DLGAP3: variants seen among roughly 807,000 people sequenced by gnomAD.
DLGAP3 encodes disks large-associated protein 3.
In DLGAP3, 17 loss-of-function variants were observed where a neutral mutation model predicts 81.2. The ratio of observed to expected loss-of-function variants is 0.21; its 90% CI spans 0.14 to 0.31. The LOEUF (loss-of-function observed/expected upper bound fraction) is 0.31. DLGAP3 is among the 10% of genes least tolerant of loss of function. DLGAP3 has a pLI of 1.00. For missense variants in DLGAP3, 1,124 were observed against 1,388.0 expected (o/e 0.81, Z 3.02); for synonymous variants, 577 against 587.4 (o/e 0.98, Z 0.26).
At chr1:34,894,705 T>C (rs1045493469) in intron 5 of DLGAP3, among the ~76,000 whole-genome samples, 2 of 152,250 alleles carry the variant, frequency 1.3e-5, no homozygotes, top group South Asian at 2.1e-4. Context: ...CTAACAGATA[T>C]TCACTGAAAA....
At chr1:34,910,628 C>A (rs1314707868) in intron 1 of DLGAP3, among the ~76,000 whole-genome samples, 1 of 152,162 alleles carries the variant, frequency 6.6e-6, no homozygotes, top group African/African-American at 2.4e-5. Context: ...GTTGGGAAAG[C>A]TTTTCCTACC....
chr1:34,891,027 A>G lies in DLGAP3; in HGVS notation c.1387-4742T>C, dbSNP rs562493311. Among the ~76,000 whole-genome samples, 237 of 152,370 alleles carry G rather than the reference A, an allele frequency of 1.6e-3. 1 individual carries two copies. Among genetic ancestry groups the G allele is most frequent in the Non-Finnish European group, 2.2e-3 (153 of 68,038 alleles). Reference sequence around the variant, plus strand: ...ATAAAATAACTTTTAAATGATGTTTAAAAGTTCCAAGCTTAAAAGATAAAA... The same window carrying G: ...ATAAAATAACTTTTAAATGATGTTTGAAAGTTCCAAGCTTAAAAGATAAAA... On this transcript the variant is annotated intron_variant, in intron 5 of 11. Coordinates refer to ENST00000373347, the MANE Select transcript of DLGAP3 (RefSeq NM_001080418.3).
chr1:34,900,390 G>A lies in DLGAP3; in HGVS notation c.1108-117C>T. 9.3e-7 allele frequency: 1 copy of A among 1,074,362 alleles called. No homozygotes were observed. The highest frequency in any genetic ancestry group is 1.3e-5 in the South Asian group (1 of 78,344). 66.6% of individuals were successfully genotyped at this position (1,074,362 alleles called of 1,614,324 possible). Reference sequence around the variant, plus strand: ...CCCTGGCTTGAACAGGCACACTCAGGTACATGCAGAGGCAGAAGGGGAGGT... The same window carrying A: ...CCCTGGCTTGAACAGGCACACTCAGATACATGCAGAGGCAGAAGGGGAGGT... On this transcript the variant is annotated intron_variant, in intron 3 of 11. Transcript: ENST00000373347. This position sits in a 1 kb window ranked among gnomAD's most constrained non-coding sequence, Gnocchi z 5.6.
At position 34,900,353 on chromosome 1, in the gene DLGAP3, G is replaced by GGGAAA; in HGVS notation, c.1108-81_1108-80insTTTCC. On this transcript the variant is annotated intron_variant, in intron 3 of 11. Transcript: ENST00000373347. This position sits in a 1 kb window ranked among gnomAD's most constrained non-coding sequence, Gnocchi z 5.6. Reference sequence around the variant, plus strand: ...CAGGACTCTTTCCCCACTGCCAGTGGGAGATGCCCTGCCCTGGCTTGAACA... The same window carrying GGGAAA: ...CAGGACTCTTTCCCCACTGCCAGTGGGGAAAGAGATGCCCTGCCCTGGCTTGAACA... 6.9e-7 allele frequency: 1 copy of GGGAAA among 1,451,658 alleles called. No individual in the cohort carries two copies. Among genetic ancestry groups the GGGAAA allele is most frequent in the Non-Finnish European group, 9.6e-7 (1 of 1,040,746 alleles). The allele number at this position is 1,451,658 out of a possible 1,614,324, so 89.9% of individuals were successfully genotyped here.
intron 11 of DLGAP3, among the ~76,000 whole-genome samples, chr1:34,866,615 G>A (rs1638884537): frequency 6.6e-6 from 1 of 152,302 alleles, no homozygotes; most frequent in Non-Finnish European, 1.5e-5. Context: ...CCCAGGCTCC[G>A]CAATGAGGGT....
At chr1:34,906,898 C>G (rs559880528) in intron 2 of DLGAP3, among the ~76,000 whole-genome samples, 1 of 152,156 alleles carries the variant, frequency 6.6e-6, no homozygotes, top group Non-Finnish European at 1.5e-5. Context: ...ATAGGAGCTA[C>G]GGCAGGAGGG....
intron 1 of DLGAP3, among the ~76,000 whole-genome samples, chr1:34,913,322 G>T (rs1004816558): frequency 6.6e-6 from 1 of 152,138 alleles, no homozygotes; most frequent in Non-Finnish European, 1.5e-5. Flanking sequence ...CCCACTGGAC[G>T]GTGCTCGGCC....
Position 34,866,272 on chromosome 1 carries a change from T to G in DLGAP3, c.2751A>C (p.Pro917=). ...CGCCCCGGCCCCGCAGGGGCTTCTT[T>G]GGTATCGGCGGAGGGACCTTCTTCT... ...KEEKKVPPPI[P]KKPLRGRGVP... is the part of the protein sequence containing the mutation. Residue 917 remains proline (P), a synonymous_variant, in exon 12 of 12, where the codon CCA becomes CCC. Coordinates refer to ENST00000373347, the MANE Select transcript of DLGAP3 (RefSeq NM_001080418.3). 6.5e-7 allele frequency: 1 copy of G among 1,544,434 alleles called. No individual in the cohort carries two copies.
intron 8 of DLGAP3, among the ~76,000 whole-genome samples, chr1:34,884,181 A>C (rs1639185947): frequency 6.6e-6 from 1 of 152,032 alleles, no homozygotes; most frequent in Non-Finnish European, 1.5e-5. Context: ...GGCCTTCCAA[A>C]GTGCTGGGAT....
intron 8 of DLGAP3, among the ~76,000 whole-genome samples, chr1:34,881,872 A>G (rs1023742573): frequency 2.6e-5 from 4 of 152,210 alleles, no homozygotes; most frequent in African/African-American, 9.6e-5. Context: ...TGCTTATCCA[A>G]CTAGGAATAG....
chr1:34,921,872 C>A (rs1348370397), intron 1 of DLGAP3, among the ~76,000 whole-genome samples: 2 of 152,144 alleles, frequency 1.3e-5, no homozygotes, highest in African/African-American at 4.8e-5. Flanking sequence ...TATAGACACT[C>A]CTGTAGATTT....
intron 1 of DLGAP3, among the ~76,000 whole-genome samples, chr1:34,910,404 C>T (rs1639620985): frequency 6.6e-6 from 1 of 152,222 alleles, no homozygotes; most frequent in Non-Finnish European, 1.5e-5. Flanking sequence ...AAATGCAAAT[C>T]TCATCATGTC....
At chr1:34,897,553 A>T (rs1299525836) in intron 5 of DLGAP3, among the ~76,000 whole-genome samples, 1 of 152,050 alleles carries the variant, frequency 6.6e-6, no homozygotes, top group Non-Finnish European at 1.5e-5. Flanking sequence ...AGGCAGCTCC[A>T]CTCCAGCGAG....
chr1:34,927,994 C>T (rs1389851910), intron 1 of DLGAP3, among the ~76,000 whole-genome samples: 1 of 152,174 alleles, frequency 6.6e-6, no homozygotes, highest in Non-Finnish European at 1.5e-5. Flanking sequence ...TATGAAATTG[C>T]TGTTTTTGTA....
chr1:34,876,153 CG>C (rs1056277874), intron 8 of DLGAP3, among the ~76,000 whole-genome samples: 4 of 151,796 alleles, frequency 2.6e-5, no homozygotes, highest in African/African-American at 9.7e-5. Flanking sequence ...TGAATCTTGG[CG>C]GGGGGGTGGG....
chr1:34,907,149 A>G (rs549867950), intron 2 of DLGAP3, among the ~76,000 whole-genome samples: 1 of 152,230 alleles, frequency 6.6e-6, no homozygotes, highest in Admixed American at 6.5e-5. Flanking sequence ...TATACCAGGT[A>G]TTGTGCATAC....
Position 34,905,238 on chromosome 1 carries a change from G to C in DLGAP3, c.146C>G (p.Ala49Gly), listed in dbSNP as rs780843750. The change falls in exon 3 of 12, where the codon GCC (alanine) becomes GGC (glycine). Residue 49 changes from alanine to glycine, a missense_variant. This residue lies in a region of DLGAP3 where 167 missense variants were observed against 172.1 expected (regional missense o/e 0.97). Coordinates refer to ENST00000373347, the MANE Select transcript of DLGAP3 (RefSeq NM_001080418.3). ...AATGTGTCCCAGGCCAGCTCTCGGG[G>C]CACAGAAGCGGGGCTCGGTGGAGAA... Reference protein sequence around the residue: ...EAFSTEPRFCAPRAGLGHISP... With the variant: ...EAFSTEPRFCGPRAGLGHISP... The C allele has an allele frequency of 5.6e-5, 89 of 1,581,852 alleles. No homozygotes were observed. The highest frequency in any genetic ancestry group is 7.2e-5 in the Non-Finnish European group (84 of 1,164,196).
intron 1 of DLGAP3, among the ~76,000 whole-genome samples, chr1:34,927,701 C>G (rs774923467): frequency 2.0e-5 from 3 of 151,954 alleles, no homozygotes; most frequent in African/African-American, 4.8e-5. Flanking sequence ...CTTCTCCCCC[C>G]ACCCCCCACT....
At chr1:34,916,382 A>C (rs1639715931) in intron 1 of DLGAP3, among the ~76,000 whole-genome samples, 1 of 152,222 alleles carries the variant, frequency 6.6e-6, no homozygotes, top group South Asian at 2.1e-4. Flanking sequence ...GGTGCCTTTC[A>C]ACTCTGAAGT....
Sources: allele counts gnomAD v4.1 joint callset (sites outside exome capture counted in the v4.1 genomes callset), GRCh38; gene constraint gnomAD v4.1.1; regional missense constraint gnomAD v4.1.1; non-coding constraint Gnocchi (gnomAD v3.1); transcripts MANE v1.5; gene names NCBI Gene and HGNC (gene_info 2026-07-23, HGNC 2026-07-21).